The following DLG2 variants were observed in gnomAD, a reference collection of about 807,000 sequenced individuals.
DLG2 encodes the protein disks large homolog 2.
In DLG2, 45 loss-of-function variants were observed where a neutral mutation model predicts 132.5. The ratio of observed to expected loss-of-function variants is 0.34; its 90% CI spans 0.27 to 0.44. The LOEUF (loss-of-function observed/expected upper bound fraction) is 0.44. Among genes scored for constraint, DLG2 ranks in the 20% least tolerant of loss-of-function variants. DLG2 has a pLI of 1.00. For synonymous variants in DLG2, 424 were observed against 419.6 expected, an observed-to-expected ratio of 1.01 and a Z score of -0.13; for missense variants, 1,045 against 1,196.9, an observed-to-expected ratio of 0.87 and a Z score of 1.87.
chr11:83,525,396 G>A (rs1189387832), intron 21 of DLG2, among the ~76,000 whole-genome samples: 2 of 152,148 alleles, frequency 1.3e-5, no homozygotes, highest in East Asian at 1.9e-4. Context: ...GTTATAAAGT[G>A]TCTCCACGTT....
intron 3 of DLG2, among the ~76,000 whole-genome samples, chr11:85,476,416 C>T (rs1001483564): frequency 3.9e-5 from 6 of 152,046 alleles, no homozygotes; most frequent in Non-Finnish European, 8.8e-5. Context: ...ACTTACGCTA[C>T]ATTAAATTTA....
chr11:84,765,936 C>T (rs903417796), intron 6 of DLG2, among the ~76,000 whole-genome samples: 32 of 152,014 alleles, frequency 2.1e-4, no homozygotes, highest in Middle Eastern at 3.4e-3. Flanking sequence ...ACCCACAAGA[C>T]GGTATTCATT....
intron 18 of DLG2, among the ~76,000 whole-genome samples, chr11:83,672,558 C>G (rs2077012014): frequency 6.6e-6 from 1 of 152,160 alleles, no homozygotes; most frequent in Admixed American, 6.5e-5. Context: ...CCTAACAATA[C>G]TCTTCTCTAT....
chr11:85,289,781 C>T (rs1243087548), intron 3 of DLG2, among the ~76,000 whole-genome samples: 1 of 152,110 alleles, frequency 6.6e-6, no homozygotes, highest in Non-Finnish European at 1.5e-5. Context: ...TAGATAAATG[C>T]TCATATCCAC....
chr11:83,896,215 G>A (rs1219916270), intron 15 of DLG2, among the ~76,000 whole-genome samples: 3 of 152,132 alleles, frequency 2.0e-5, no homozygotes, highest in African/African-American at 7.2e-5. Context: ...ATATGAAAAC[G>A]ACAATAAATA....
At chr11:84,279,628 A>T (rs2097830333) in intron 7 of DLG2, among the ~76,000 whole-genome samples, 1 of 152,246 alleles carries the variant, frequency 6.6e-6, no homozygotes, top group South Asian at 2.1e-4. Flanking sequence ...CTATGCAGCC[A>T]TATAAAAGGA....
intron 6 of DLG2, among the ~76,000 whole-genome samples, chr11:84,637,601 A>C (rs1007556219): frequency 6.6e-6 from 1 of 152,244 alleles, no homozygotes; most frequent in African/African-American, 2.4e-5. Context: ...GAGACAAGAG[A>C]GGGAGAAAGA....
At chr11:85,583,130 GTATATATATATA>G (rs3068386) in intron 3 of DLG2, among the ~76,000 whole-genome samples, 235 of 13,608 alleles carry the variant, frequency 0.017, 5 homozygotes, top group African/African-American at 0.036. Flanking sequence ...GTGTGTGTGT[GTATATATATATA>G]TATATATATA....
intron 3 of DLG2, among the ~76,000 whole-genome samples, chr11:85,461,272 T>G (rs980727618): frequency 2.6e-5 from 4 of 152,230 alleles, no homozygotes; most frequent in Admixed American, 6.5e-5. Flanking sequence ...GTTTATTATA[T>G]ACTCCATTTG....
intron 6 of DLG2, among the ~76,000 whole-genome samples, chr11:84,608,488 A>C (rs1378711045): frequency 6.6e-6 from 1 of 152,152 alleles, no homozygotes; most frequent in African/African-American, 2.4e-5. Context: ...ACTTCATATC[A>C]AATTAACATA....
At chr11:85,433,263 A>C (rs7122822) in intron 3 of DLG2, among the ~76,000 whole-genome samples, 1 of 152,080 alleles carries the variant, frequency 6.6e-6, no homozygotes, top group African/African-American at 2.4e-5. Context: ...ATCAACTAGT[A>C]TACAAAATAA....
At position 84,362,969 on chromosome 11, in the gene DLG2, T is replaced by A. The variant is rs1349165288; in HGVS notation, c.520-111678A>T. Among the ~76,000 whole-genome samples the A allele has an allele frequency of 2.8e-3, 424 of 152,212 alleles. 3 individuals are homozygous for A. Among genetic ancestry groups the A allele is most frequent in the African/African-American group, 9.9e-3 (412 of 41,522 alleles). On this transcript the variant is annotated intron_variant, in intron 7 of 27. Coordinates refer to ENST00000376104, the MANE Select transcript of DLG2 (RefSeq NM_001142699.3). ...ATTGTGAATAGTGCTGCAATAAACA[T>A]ACATGTGCATGTGTCTTTATAGCAG...
intron 7 of DLG2, among the ~76,000 whole-genome samples, chr11:84,300,481 T>G (rs779238504): frequency 2.6e-5 from 4 of 152,204 alleles, no homozygotes; most frequent in African/African-American, 7.2e-5. Context: ...CCTGCTATAT[T>G]TAGGATAGGT....
intron 6 of DLG2, among the ~76,000 whole-genome samples, chr11:84,618,669 C>T (rs566213678): frequency 6.6e-6 from 1 of 152,102 alleles, no homozygotes; most frequent in African/African-American, 2.4e-5. Flanking sequence ...CAATCAAAAA[C>T]CAAGTCTAAT....
intron 7 of DLG2, among the ~76,000 whole-genome samples, chr11:84,255,858 T>C (rs141248222): frequency 1.4e-3 from 208 of 152,276 alleles, no homozygotes; most frequent in African/African-American, 4.8e-3. Flanking sequence ...AAATTCTTTC[T>C]TAAGTAAACC....
chr11:83,857,177 T>A (rs1423193109), intron 16 of DLG2, among the ~76,000 whole-genome samples: 1 of 152,186 alleles, frequency 6.6e-6, no homozygotes, highest in Non-Finnish European at 1.5e-5. Context: ...GTTCCATTGG[T>A]CTATGTGTCT....
intron 5 of DLG2, among the ~76,000 whole-genome samples, chr11:85,113,504 C>A (rs2073096512): frequency 6.6e-6 from 1 of 151,916 alleles, no homozygotes; most frequent in Non-Finnish European, 1.5e-5. Flanking sequence ...CGTGTTTTAA[C>A]TAAGAAAATT....
intron 7 of DLG2, among the ~76,000 whole-genome samples, chr11:84,288,016 G>T (rs1475969857): frequency 6.6e-6 from 1 of 151,356 alleles, no homozygotes; most frequent in Non-Finnish European, 1.5e-5. Context: ...AAGCTTGTAG[G>T]CAGTGGAACA....
At chr11:85,430,093 CA>C (rs1167449479) in intron 3 of DLG2, among the ~76,000 whole-genome samples, 3 of 151,480 alleles carry the variant, frequency 2.0e-5, no homozygotes, top group African/African-American at 7.3e-5. Context: ...TCACTCTCAG[CA>C]AACTATCGCA....
Sources: allele counts gnomAD v4.1 joint callset (sites outside exome capture counted in the v4.1 genomes callset), GRCh38; gene constraint gnomAD v4.1.1; transcripts MANE v1.5; gene names NCBI Gene and HGNC (gene_info 2026-07-23, HGNC 2026-07-21).